The following ADAP1 variants were observed in gnomAD, a reference collection of about 807,000 sequenced individuals.
The protein encoded by ADAP1 is arf-GAP with dual PH domain-containing protein 1.
ADAP1 carries 31 observed loss-of-function variants against 54.9 expected under a neutral mutation model. The ratio of observed to expected loss-of-function variants is 0.56; its 90% CI spans 0.42 to 0.76. ADAP1 has a LOEUF of 0.76. Ranked by LOEUF, ADAP1 falls within the 30% of genes least tolerant of loss-of-function variation. ADAP1 has a pLI of 0.00. For missense variants in ADAP1, 535 were observed against 512.4 expected (o/e 1.04, Z -0.42); for synonymous variants, 313 against 202.6 (o/e 1.55, Z -4.63).
intron 4 of ADAP1, among the ~76,000 whole-genome samples, chr7:912,138 GCCCATCCCT>G (rs1845750421): frequency 6.6e-6 from 1 of 152,144 alleles, no homozygotes; most frequent in African/African-American, 2.4e-5. Context: ...GCAACGGTCG[GCCCATCCCT>G]GCCTGGTACC....
At chr7:905,723 G>GAGAAGGGA (rs147722082) in intron 4 of ADAP1, 1 of 7,096 alleles carries the variant, frequency 1.4e-4, no homozygotes, top group African/African-American at 6.3e-4. Flanking sequence ...AAGGAGAAAG[G>GAGAAGGGA]GAAAGGAGAA....
chr7:919,373 T>C (rs929992085), intron 4 of ADAP1, among the ~76,000 whole-genome samples: 13 of 152,158 alleles, frequency 8.5e-5, no homozygotes, highest in African/African-American at 2.9e-4. Context: ...GAGGTCCCCA[T>C]GCACCCCACT....
chr7:899,516 C>G (rs1110055), intron 8 of ADAP1, 26 bp from the exon 9 acceptor site: 20 of 1,608,000 alleles, frequency 1.2e-5, no homozygotes, highest in Non-Finnish European at 1.4e-5. Flanking sequence ...GGCCCGTGAC[C>G]GGCAGGTCGC....
chr7:921,736 C>G (rs1846199456), intron 3 of ADAP1, among the ~76,000 whole-genome samples: 1 of 152,218 alleles, frequency 6.6e-6, no homozygotes, highest in African/African-American at 2.4e-5. Context: ...GAGTTGCCCC[C>G]TAGCACCCAG....
At chr7:904,307 G>A (rs754779642) in intron 5 of ADAP1, 35 bp from the exon 6 acceptor site, 3 of 1,533,182 alleles carry the variant, frequency 2.0e-6, no homozygotes, top group South Asian at 2.5e-5. Context: ...CCTCACAGGG[G>A]CCGTCGTCCA....
At chr7:929,629 G>T (rs1372124466) in intron 2 of ADAP1, among the ~76,000 whole-genome samples, 1 of 151,998 alleles carries the variant, frequency 6.6e-6, no homozygotes, top group African/African-American at 2.4e-5. Context: ...ATTCAGTAAC[G>T]GCTGGGGCGG....
chr7:954,948 C>T (rs1356162352), upstream of ADAP1, among the ~76,000 whole-genome samples: 1 of 152,128 alleles, frequency 6.6e-6, no homozygotes, highest in East Asian at 1.9e-4. Context: ...GGAGCCTGCA[C>T]ACCTACTGTG....
intron 3 of ADAP1, among the ~76,000 whole-genome samples, chr7:923,734 G>A (rs1002313808): frequency 6.6e-6 from 1 of 152,136 alleles, no homozygotes; most frequent in Non-Finnish European, 1.5e-5. Context: ...GGCCTTCCAG[G>A]ACCCTGCTCC....
chr7:898,943 G>A lies in ADAP1; in HGVS notation c.1103C>T (p.Ala368Val), dbSNP rs377385277. The change falls in exon 11 of 11, where the codon GCG (alanine) becomes GTG (valine). Residue 368 changes from alanine to valine, a missense_variant. Physicochemically the swap from Ala to Val is moderately conservative, Grantham distance 64 (BLOSUM62 0). Transcript: ENST00000265846. Reference protein sequence around the residue: ...PMLPQEYAVEAHFKHKP With the variant: ...PMLPQEYAVEVHFKHKP Reference sequence around the variant, plus strand: ...TCGCTAAGGTTTATGCTTGAAGTGCGCCTCCACTGCAACGGAACAGGGTCC... The same window carrying A: ...TCGCTAAGGTTTATGCTTGAAGTGCACCTCCACTGCAACGGAACAGGGTCC... 2.5e-6 allele frequency: 4 copies of A among 1,610,040 alleles called. No individual in the cohort carries two copies. Among genetic ancestry groups the A allele is most frequent in the Non-Finnish European group, 3.4e-6 (4 of 1,178,782 alleles).
chr7:927,224 G>A lies in ADAP1; in HGVS notation c.214-580C>T, dbSNP rs191306431. Reference sequence around the variant, plus strand: ...GGCTGAGGGAGAAGGAAACGGCGCCGTGAAGGAGGGGAGGTGCTGCAGGAG... The same window carrying A: ...GGCTGAGGGAGAAGGAAACGGCGCCATGAAGGAGGGGAGGTGCTGCAGGAG... On this transcript the variant is annotated intron_variant, in intron 2 of 10. Coordinates refer to ENST00000265846, the MANE Select transcript of ADAP1 (RefSeq NM_006869.4). 1,367 of 1,270,302 alleles carry A rather than the reference G, an allele frequency of 1.1e-3. 11 individuals are homozygous for A. In the Middle Eastern group the frequency reaches 0.023, roughly 22 times the overall value. The allele number at this position is 1,270,302 out of a possible 1,614,324, so 78.7% of individuals were successfully genotyped here.
intron 4 of ADAP1, 57 bp from the exon 5 acceptor site, chr7:905,229 G>C: frequency 7.2e-7 from 1 of 1,392,656 alleles, no homozygotes; most frequent in South Asian, 1.2e-5. Flanking sequence ...GGAAACAAAA[G>C]GAGTGACGAT....
In ADAP1 at chr7:899,273, G is replaced by C; in HGVS notation, c.868-12C>G. ...CGGGCGAAGGCGTCCTGTGGGTGGG[G>C]ACCGCACTGGAGGCGGGGCCATGTC... On this transcript the variant is annotated splice_polypyrimidine_tract_variant and intron_variant, in intron 9 of 10. Transcript: ENST00000265846. 1 of 1,612,296 alleles carries C rather than the reference G, an allele frequency of 6.2e-7. No individual in the cohort carries two copies. The highest frequency in any genetic ancestry group is 8.5e-7 in the Non-Finnish European group (1 of 1,179,570).
intron 8 of ADAP1, among the ~76,000 whole-genome samples, 169 bp downstream of exon 8, chr7:899,933 G>C (rs1844704102): frequency 6.6e-6 from 1 of 152,242 alleles, no homozygotes; most frequent in African/African-American, 2.4e-5. Flanking sequence ...GCCTAGGACA[G>C]TGGCCCGAGT....
chr7:924,906 G>A (rs933682290), intron 3 of ADAP1, among the ~76,000 whole-genome samples: 7 of 152,124 alleles, frequency 4.6e-5, no homozygotes, highest in African/African-American at 1.2e-4. Flanking sequence ...CCCGGGGCAC[G>A]GCCAGGGCAG....
Position 938,420 on chromosome 7 carries a change from G to C in ADAP1, c.83-2915C>G, listed in dbSNP as rs1479156257. On this transcript the variant is annotated intron_variant, in intron 1 of 10. Coordinates refer to ENST00000265846, the MANE Select transcript of ADAP1 (RefSeq NM_006869.4). This position sits in a 1 kb window ranked among gnomAD's most constrained non-coding sequence, Gnocchi z 4.4. The stretch of plus-strand genomic sequence containing the variant: ...TGGGCTTGAACTCCTGGGCTCAAGC[G>C]ATCCTCCTGTCTTGGCCTCCTAAAG... Among the ~76,000 whole-genome samples, 1 of 152,136 alleles carries C rather than the reference G, an allele frequency of 6.6e-6. No homozygotes were observed. Among genetic ancestry groups the C allele is most frequent in the African/African-American group, 2.4e-5 (1 of 41,416 alleles).
chr7:901,820 T>G (rs1307352591), intron 6 of ADAP1, among the ~76,000 whole-genome samples: 1 of 39,284 alleles, frequency 2.5e-5, no homozygotes, highest in East Asian at 8.2e-4. Context: ...CCCTCCCTCC[T>G]CCTAGAGGAA....
chr7:905,246 G>T lies in ADAP1; in HGVS notation c.389-74C>A, dbSNP rs557532403. 11 of 1,089,326 alleles carry T rather than the reference G, an allele frequency of 1.0e-5. No homozygotes were observed. In the African/African-American group the frequency reaches 1.5e-4, roughly 15 times the overall value. 67.5% of individuals were successfully genotyped at this position (1,089,326 alleles called of 1,614,324 possible). On this transcript the variant is annotated intron_variant, in intron 4 of 10. Coordinates refer to ENST00000265846, the MANE Select transcript of ADAP1 (RefSeq NM_006869.4). ...AAACAAAAGGAGTGACGATGGACAG[G>T]ACAGAGGGGACATGGGGAGAAGACA...
rs780119153 is a variant in ADAP1, at chr7:899,410, C to A, written c.867+9G>T. 2 of 1,612,894 alleles carry A rather than the reference C, an allele frequency of 1.2e-6. No individual in the cohort carries two copies. The highest frequency in any genetic ancestry group is 4.5e-5 in the East Asian group (2 of 44,872). ...GCCCTCCCGTGCTGGGGCCACAGCTCCTCCTTACCAGGGGGTCTTTGAAGT... is the reference window on the plus strand; with the variant it reads ...GCCCTCCCGTGCTGGGGCCACAGCTACTCCTTACCAGGGGGTCTTTGAAGT... On this transcript the variant is annotated intron_variant, in intron 9 of 10. Coordinates refer to ENST00000265846, the MANE Select transcript of ADAP1 (RefSeq NM_006869.4).
At chr7:918,580 G>A (rs1846028998) in intron 4 of ADAP1, among the ~76,000 whole-genome samples, 1 of 152,134 alleles carries the variant, frequency 6.6e-6, no homozygotes, top group Non-Finnish European at 1.5e-5. Flanking sequence ...TTGCAGGTCC[G>A]GGCCCTGGGG....
Sources: allele counts gnomAD v4.1 joint callset (sites outside exome capture counted in the v4.1 genomes callset), GRCh38; gene constraint gnomAD v4.1.1; non-coding constraint Gnocchi (gnomAD v3.1); transcripts MANE v1.5; gene names NCBI Gene and HGNC (gene_info 2026-07-23, HGNC 2026-07-21).